FBH1: variants seen among roughly 807,000 people sequenced by gnomAD.
FBH1 encodes the protein DNA 3'-5' helicase 1.
FBH1 carries 43 observed loss-of-function variants against 115.5 expected under a neutral mutation model. That is an observed-to-expected ratio of 0.37 (90% CI 0.29 to 0.48). The LOEUF (loss-of-function observed/expected upper bound fraction) is 0.48, where lower values mean the gene tolerates loss of function less well. Ranked by LOEUF, FBH1 falls within the 20% of genes least tolerant of loss-of-function variation. FBH1 has a pLI of 0.99. For missense variants in FBH1, 1,001 were observed against 1,337.3 expected (o/e 0.75, Z 3.92); for synonymous variants, 524 against 507.8 (o/e 1.03, Z -0.43).
Position 5,921,404 on chromosome 10 carries a change from T to G in FBH1, c.2201-44T>G, listed in dbSNP as rs1216359414. ...CTCTTTTGTGTTACAAAAGTTTTCC[T>G]CTTTATTTCAATTTGCCATAGAGTT... is the stretch of plus-strand genomic sequence containing the variant. On this transcript the variant is annotated intron_variant, in intron 14 of 20. Transcript: ENST00000362091. This position sits in a 1 kb window ranked among gnomAD's most constrained non-coding sequence, Gnocchi z 6.4. 6.2e-7 allele frequency: 1 copy of G among 1,610,466 alleles called. No individual in the cohort carries two copies. The highest frequency in any genetic ancestry group is 8.5e-7 in the Non-Finnish European group (1 of 1,179,040).
At position 5,910,088 on chromosome 10, in the gene FBH1, C is replaced by T. The variant is rs1831478427; in HGVS notation, c.1020+794C>T. On this transcript the variant is annotated intron_variant, in intron 5 of 20. Coordinates refer to ENST00000362091, the MANE Select transcript of FBH1 (RefSeq NM_178150.3). This position sits in a 1 kb window ranked among gnomAD's most constrained non-coding sequence, Gnocchi z 4.8. Reference sequence around the variant, plus strand: ...CCTGAGGTCAGGAGTTCGAGACCAGCCTGGCCAACATGGTGAAACCCTGTC... The same window carrying T: ...CCTGAGGTCAGGAGTTCGAGACCAGTCTGGCCAACATGGTGAAACCCTGTC... 6.6e-6 allele frequency among the ~76,000 whole-genome samples: 1 copy of T among 152,170 alleles called. No individual in the cohort carries two copies. Among genetic ancestry groups the T allele is most frequent in the Non-Finnish European group, 1.5e-5 (1 of 68,016 alleles).
At chr10:5,898,153 T>G (rs183005694) in intron 1 of FBH1, among the ~76,000 whole-genome samples, 7 of 152,306 alleles carry the variant, frequency 4.6e-5, no homozygotes, top group Non-Finnish European at 1.0e-4. Context: ...TGGGCTGGTA[T>G]AACAAAATAC....
rs1396862337 is a variant in FBH1 at position 5,918,915 on chromosome 10, G to A, written c.2100+437G>A. On this transcript the variant is annotated intron_variant, in intron 13 of 20. Coordinates refer to ENST00000362091, the MANE Select transcript of FBH1 (RefSeq NM_178150.3). The surrounding 1 kb of genome is among the most constrained non-coding windows in gnomAD (Gnocchi z 4.0). ...TGGCAAACTCTCCCATAATGAATGT[G>A]ACAACTCACAGTGTCCTTGATTATG... is the stretch of plus-strand genomic sequence containing the variant. 6.6e-6 allele frequency among the ~76,000 whole-genome samples: 1 copy of A among 152,232 alleles called. No homozygotes were observed. Among genetic ancestry groups the A allele is most frequent in the African/African-American group, 2.4e-5 (1 of 41,450 alleles).
rs1267014334 is a variant in FBH1 at position 5,925,625 on chromosome 10, A to G, written c.2722+133A>G. ...AGGGCACTTCTGGAAAAACTAAACC[A>G]CAAAACACCTCCTAGTCCTAAACTT... On this transcript the variant is annotated intron_variant, in intron 18 of 20. Transcript: ENST00000362091. This position sits in a 1 kb window ranked among gnomAD's most constrained non-coding sequence, Gnocchi z 4.6. 7 of 1,280,812 alleles carry G rather than the reference A, an allele frequency of 5.5e-6. No individual in the cohort carries two copies. Among genetic ancestry groups the G allele is most frequent in the South Asian group, 1.4e-5 (1 of 69,472 alleles). The allele number at this position is 1,280,812 out of a possible 1,614,324, so 79.3% of individuals were successfully genotyped here.
chr10:5,894,928 G>A lies in FBH1; in HGVS notation c.1+4582G>A, dbSNP rs1842926247. ...ACACTTACACAAAGAATTGTTACAA[G>A]TATCTCGGGTGTACAGGGCGGTTTT... On this transcript the variant is annotated intron_variant, in intron 1 of 20. Transcript: ENST00000362091. 4 of 978,234 alleles carry A rather than the reference G, an allele frequency of 4.1e-6. No individual in the cohort carries two copies. In the South Asian group the frequency reaches 6.8e-5, roughly 17 times the overall value. 60.6% of individuals were successfully genotyped at this position (978,234 alleles called of 1,614,324 possible). A position where few individuals can be genotyped will look rare whatever the true frequency, so the allele number is the denominator to read the frequency against.
chr10:5,919,301 C>G (rs1213815449), intron 13 of FBH1, among the ~76,000 whole-genome samples: 1 of 152,098 alleles, frequency 6.6e-6, no homozygotes, highest in Non-Finnish European at 1.5e-5. Flanking sequence ...GCCTGGCCAA[C>G]ATGGTAAAAC....
rs1238542541 is a variant in FBH1, at chr10:5,897,888, A to T, written c.2-5132A>T. On this transcript the variant is annotated intron_variant, in intron 1 of 20. Transcript: ENST00000362091. This position sits in a 1 kb window ranked among gnomAD's most constrained non-coding sequence, Gnocchi z 4.7. ...TGGATTCAGACGTATTTTCTGAGAT[A>T]AATACATAAATAAAAATCTATCCTG... 8.2e-6 allele frequency among the ~76,000 whole-genome samples: 1 copy of T among 121,254 alleles called. No individual in the cohort carries two copies. Among genetic ancestry groups the T allele is most frequent in the Non-Finnish European group, 1.9e-5 (1 of 52,916 alleles). The allele number at this position is 121,254 out of a possible 152,430, so 79.5% of individuals were successfully genotyped here.
rs1425934982 is a variant in FBH1, at chr10:5,937,203, C to G, written c.3055C>G (p.Gln1019Glu). 6.2e-7 allele frequency: 1 copy of G among 1,613,886 alleles called. No individual in the cohort carries two copies. The highest frequency in any genetic ancestry group is 8.5e-7 in the Non-Finnish European group (1 of 1,179,958). Residue 1019 changes from glutamine to glutamate, a missense_variant, in exon 21 of 21, where the codon CAG (glutamine) becomes GAG (glutamate). Coordinates refer to ENST00000362091, the MANE Select transcript of FBH1 (RefSeq NM_178150.3). Reference sequence around the variant, plus strand: ...GGCGTTCCTGACAGCCTCCCCGGAGCAGGTGCGCGCCATGGAGCGCACTGT... The same window carrying G: ...GGCGTTCCTGACAGCCTCCCCGGAGGAGGTGCGCGCCATGGAGCGCACTGT... The part of the protein sequence containing the change: ...PLAFLTASPE[Q>E]VRAMERTVEN...
Position 5,918,620 on chromosome 10 carries a change from AGGGGT to A in FBH1, c.2100+143_2100+147del. 1 of 1,126,250 alleles carries A rather than the reference AGGGGT, an allele frequency of 8.9e-7. No individual in the cohort carries two copies. Among genetic ancestry groups the A allele is most frequent in the Non-Finnish European group, 1.2e-6 (1 of 837,100 alleles). The allele number at this position is 1,126,250 out of a possible 1,614,324, so 69.8% of individuals were successfully genotyped here. ...CCATGGTTCTCAAAGTGTGGTTCTC[AGGGGT>A]CTGCCAAGTCACACTGTTTTCATAA... On this transcript the variant is annotated intron_variant, in intron 13 of 20. Coordinates refer to ENST00000362091, the MANE Select transcript of FBH1 (RefSeq NM_178150.3). The surrounding 1 kb of genome is among the most constrained non-coding windows in gnomAD (Gnocchi z 4.0).
At chr10:5,902,963 T>C (rs1390608669) in intron 1 of FBH1, 57 bp from the exon 2 acceptor site, 8 of 1,510,706 alleles carry the variant, frequency 5.3e-6, no homozygotes, top group Non-Finnish European at 5.4e-6. Context: ...GGCTAGCTTG[T>C]AGAATCGGTG....
chr10:5,911,240 C>T lies in FBH1; in HGVS notation c.1211+112C>T. On this transcript the variant is annotated intron_variant, in intron 6 of 20. Transcript: ENST00000362091. The surrounding 1 kb of genome is among the most constrained non-coding windows in gnomAD (Gnocchi z 5.4). The stretch of plus-strand genomic sequence containing the variant: ...TGTTAGCACCTGGCAGGCTGTGGGA[C>T]CCACCTGCTCCACCTCAGTGTCATC... 2 of 1,000,140 alleles carry T rather than the reference C, an allele frequency of 2.0e-6. No homozygotes were observed. Among genetic ancestry groups the T allele is most frequent in the Non-Finnish European group, 2.9e-6 (2 of 684,182 alleles). 62.0% of individuals were successfully genotyped at this position (1,000,140 alleles called of 1,614,324 possible).
At chr10:5,928,154 T>C (rs918871376) in intron 19 of FBH1, among the ~76,000 whole-genome samples, 1 of 150,278 alleles carries the variant, frequency 6.7e-6, no homozygotes, top group African/African-American at 2.4e-5. Flanking sequence ...AGTTCTTTTT[T>C]TTTTTTTTTG....
In FBH1 at chr10:5,916,465, C is replaced by G. The variant is rs763481104; in HGVS notation, c.1788+9C>G. ...AGCAGAGTGAAAAACTGGTGAGTGTCTAAGTGTCTGAAGTGTTAGGGATCT... is the reference window on the plus strand; with the variant it reads ...AGCAGAGTGAAAAACTGGTGAGTGTGTAAGTGTCTGAAGTGTTAGGGATCT... On this transcript the variant is annotated intron_variant, in intron 10 of 20. Coordinates refer to ENST00000362091, the MANE Select transcript of FBH1 (RefSeq NM_178150.3). 5.1e-6 allele frequency: 8 copies of G among 1,569,620 alleles called. No homozygotes were observed. Among genetic ancestry groups the G allele is most frequent in the South Asian group, 4.4e-5 (4 of 90,244 alleles).
intron 6 of FBH1, among the ~76,000 whole-genome samples, chr10:5,912,439 G>A (rs1831655512): frequency 6.7e-6 from 1 of 150,328 alleles, no homozygotes; most frequent in South Asian, 2.1e-4. Flanking sequence ...GAGCTGGAGT[G>A]ATGGGGACAG....
Position 5,921,170 on chromosome 10 carries a change from GGCCCGGCCAGGCTGTGGCA to G in FBH1, c.2101-85_2101-67del. ...GGGTCAGGAACAACTTGTAGGGTCT[GGCCCGGCCAGGCTGTGGCA>G]GCAGTGATGGAAATGCACGGACACA... is the stretch of plus-strand genomic sequence containing the variant. On this transcript the variant is annotated intron_variant, in intron 13 of 20. Transcript: ENST00000362091. This position sits in a 1 kb window ranked among gnomAD's most constrained non-coding sequence, Gnocchi z 6.4. 7.7e-7 allele frequency: 1 copy of G among 1,302,604 alleles called. No homozygotes were observed. Among genetic ancestry groups the G allele is most frequent in the Non-Finnish European group, 1.1e-6 (1 of 912,408 alleles). The allele number at this position is 1,302,604 out of a possible 1,614,324, so 80.7% of individuals were successfully genotyped here. A position where few individuals can be genotyped will look rare whatever the true frequency, so the allele number is the denominator to read the frequency against.
rs1325288870 is a variant in FBH1, at chr10:5,936,622, T to C, written c.2961+35T>C. On this transcript the variant is annotated intron_variant, in intron 20 of 20. Coordinates refer to ENST00000362091, the MANE Select transcript of FBH1 (RefSeq NM_178150.3). This position sits in a 1 kb window ranked among gnomAD's most constrained non-coding sequence, Gnocchi z 5.6. ...CTGTCTGTGGAACTTAATTCAGCCATTTGCATTTTTTGCTTGTGAGCTCTG... is the reference window on the plus strand; with the variant it reads ...CTGTCTGTGGAACTTAATTCAGCCACTTGCATTTTTTGCTTGTGAGCTCTG... 6.2e-7 allele frequency: 1 copy of C among 1,607,722 alleles called. No homozygotes were observed. The highest frequency in any genetic ancestry group is 1.3e-5 in the African/African-American group (1 of 74,832).
Position 5,921,392 on chromosome 10 carries a change from C to A in FBH1, c.2200+35C>A. 1 of 1,610,768 alleles carries A rather than the reference C, an allele frequency of 6.2e-7. No homozygotes were observed. Among genetic ancestry groups the A allele is most frequent in the East Asian group, 2.2e-5 (1 of 44,846 alleles). ...TTAGTTACTCTTCTCTTTTGTGTTA[C>A]AAAAGTTTTCCTCTTTATTTCAATT... On this transcript the variant is annotated intron_variant, in intron 14 of 20. Transcript: ENST00000362091. This position sits in a 1 kb window ranked among gnomAD's most constrained non-coding sequence, Gnocchi z 6.4.
In FBH1 at chr10:5,917,364, G is replaced by A; in HGVS notation, c.1789-56G>A. The A allele has an allele frequency of 6.9e-7, 1 of 1,457,044 alleles. No individual in the cohort carries two copies. The highest frequency in any genetic ancestry group is 9.6e-7 in the Non-Finnish European group (1 of 1,042,954). The allele number at this position is 1,457,044 out of a possible 1,614,324, so 90.3% of individuals were successfully genotyped here. On this transcript the variant is annotated intron_variant, in intron 10 of 20. Coordinates refer to ENST00000362091, the MANE Select transcript of FBH1 (RefSeq NM_178150.3). This position sits in a 1 kb window ranked among gnomAD's most constrained non-coding sequence, Gnocchi z 5.6. ...ATGGGAGTTGACAGTGTGACCGCAG[G>A]GTGCTGCCTTTGCCAGGGTCTCAAA...
chr10:5,921,704 AC>A lies in FBH1; in HGVS notation c.2322+137del. ...TTTTTGACTCTTTCCACCAGGCTGC[AC>A]CATGAGTGGTCTCTATCCCAGGCCA... On this transcript the variant is annotated intron_variant, in intron 15 of 20. Transcript: ENST00000362091. This position sits in a 1 kb window ranked among gnomAD's most constrained non-coding sequence, Gnocchi z 6.4. The A allele has an allele frequency of 8.4e-7, 1 of 1,184,976 alleles. No individual in the cohort carries two copies. The highest frequency in any genetic ancestry group is 1.2e-6 in the Non-Finnish European group (1 of 867,340). 73.4% of individuals were successfully genotyped at this position (1,184,976 alleles called of 1,614,324 possible).
Sources: gnomAD v4.1 joint callset for allele counts (sites outside exome capture counted in the v4.1 genomes callset) on GRCh38, gnomAD v4.1.1 for gene constraint, Gnocchi (gnomAD v3.1) non-coding constraint, MANE v1.5 for transcripts, NCBI Gene and HGNC (gene_info 2026-07-23, HGNC 2026-07-21) for gene names.